QTMAN: variants seen among roughly 807,000 people sequenced by gnomAD.
QTMAN encodes the protein queuosine-tRNA mannosyltransferase.
chr2:144,145,872 C>T, the QTMAN span: 5 of 548,422 alleles, frequency 9.1e-6, no homozygotes, highest in Non-Finnish European at 1.3e-5. Flanking sequence ...ATAGTTGAGG[C>T]TTAATACCAT....
chr2:144,169,676 T>A, the QTMAN span, among the ~76,000 whole-genome samples: 1 of 152,134 alleles, frequency 6.6e-6, no homozygotes, highest in Non-Finnish European at 1.5e-5. Context: ...GCTTCAATGG[T>A]CTTCAGTTAT....
chr2:144,329,901 G>A, the QTMAN span, among the ~76,000 whole-genome samples: 1 of 152,264 alleles, frequency 6.6e-6, no homozygotes, highest in African/African-American at 2.4e-5. Flanking sequence ...ATGATAACAG[G>A]TATACACAGA....
chr2:144,147,062 C>T, the QTMAN span, among the ~76,000 whole-genome samples: 8 of 151,936 alleles, frequency 5.3e-5, no homozygotes, highest in East Asian at 1.5e-3. Flanking sequence ...GCTGACAAGC[C>T]AAATGGCTAA....
chr2:143,996,499 T>C, the QTMAN span, among the ~76,000 whole-genome samples: 2 of 152,244 alleles, frequency 1.3e-5, no homozygotes, highest in South Asian at 4.1e-4. Flanking sequence ...GCAATGATTC[T>C]GAAACTGGGG....
At chr2:144,207,834 TA>T in the QTMAN span, among the ~76,000 whole-genome samples, 1 of 151,998 alleles carries the variant, frequency 6.6e-6, no homozygotes, top group African/African-American at 2.4e-5. Context: ...AAGACTCTTT[TA>T]TTTTCTAAAT....
At chr2:144,164,962 T>C in the QTMAN span, among the ~76,000 whole-genome samples, 1 of 152,230 alleles carries the variant, frequency 6.6e-6, no homozygotes, top group Non-Finnish European at 1.5e-5. Flanking sequence ...TATTTTGATA[T>C]GCTGCTTTGG....
the QTMAN span, among the ~76,000 whole-genome samples, chr2:144,195,400 A>G: frequency 6.6e-6 from 1 of 152,152 alleles, no homozygotes; most frequent in African/African-American, 2.4e-5. Context: ...AATAGATGTA[A>G]AACATATGCA....
At chr2:144,315,706 C>T in the QTMAN span, among the ~76,000 whole-genome samples, 13 of 152,226 alleles carry the variant, frequency 8.5e-5, 1 homozygote, top group Non-Finnish European at 1.2e-4. Flanking sequence ...CTCTGTCCAA[C>T]TGTCTTATTT....
At chr2:144,156,791 C>G in the QTMAN span, among the ~76,000 whole-genome samples, 1 of 152,072 alleles carries the variant, frequency 6.6e-6, no homozygotes, top group African/African-American at 2.4e-5. Context: ...TTCAACACAA[C>G]CTACATCACA....
At chr2:144,332,615 G>A in the QTMAN span, 1 of 150,526 alleles carries the variant, frequency 6.6e-6, no homozygotes, top group South Asian at 2.1e-4. Flanking sequence ...CGGCCCGCCC[G>A]CGCAATCGAG....
the QTMAN span, among the ~76,000 whole-genome samples, chr2:144,222,058 A>G: frequency 9.9e-5 from 15 of 151,888 alleles, no homozygotes; most frequent in Non-Finnish European, 2.1e-4. Context: ...TATAAACTCA[A>G]AGTTTTTTGT....
At chr2:144,091,351 T>C in the QTMAN span, among the ~76,000 whole-genome samples, 1 of 152,120 alleles carries the variant, frequency 6.6e-6, no homozygotes, top group Admixed American at 6.5e-5. Context: ...GTGTATGGCC[T>C]TGGGTTATAT....
At chr2:144,150,256 C>T in the QTMAN span, among the ~76,000 whole-genome samples, 1 of 152,038 alleles carries the variant, frequency 6.6e-6, no homozygotes, top group South Asian at 2.1e-4. Flanking sequence ...TACCTAAACT[C>T]CTGGTCTAGA....
At chr2:144,125,880 T>A in the QTMAN span, among the ~76,000 whole-genome samples, 2 of 152,038 alleles carry the variant, frequency 1.3e-5, no homozygotes, top group African/African-American at 4.8e-5. Flanking sequence ...ACATTTTTAT[T>A]TGAAAATACA....
chr2:143,958,635 CT>C, the QTMAN span, among the ~76,000 whole-genome samples: 3 of 152,074 alleles, frequency 2.0e-5, no homozygotes, highest in Non-Finnish European at 4.4e-5. Context: ...AGTACTGTCA[CT>C]TTCAGTAAAT....
At chr2:144,307,372 A>ACT in the QTMAN span, among the ~76,000 whole-genome samples, 1 of 152,108 alleles carries the variant, frequency 6.6e-6, no homozygotes, top group Non-Finnish European at 1.5e-5. Context: ...CGTAACAGTG[A>ACT]AAGTCTGAAT....
chr2:144,254,317 G>A, the QTMAN span, among the ~76,000 whole-genome samples: 2 of 152,156 alleles, frequency 1.3e-5, no homozygotes, highest in Admixed American at 1.3e-4. Flanking sequence ...AGCTACTTGG[G>A]AGGCTGAGGC....
chr2:144,012,437 G>A, the QTMAN span, among the ~76,000 whole-genome samples: 1 of 152,116 alleles, frequency 6.6e-6, no homozygotes, highest in South Asian at 2.1e-4. Context: ...AGTGCTCTGG[G>A]CACCTTAGCT....
At chr2:144,192,056 A>G in the QTMAN span, among the ~76,000 whole-genome samples, 229 of 152,246 alleles carry the variant, frequency 1.5e-3, no homozygotes, top group African/African-American at 4.9e-3. Flanking sequence ...AAGATTTAGA[A>G]ATATTTTGGA....
Sources: allele counts gnomAD v4.1 joint callset (sites outside exome capture counted in the v4.1 genomes callset), GRCh38; gene constraint gnomAD v4.1.1; transcripts MANE v1.5; gene names NCBI Gene and HGNC (gene_info 2026-07-23, HGNC 2026-07-21).